MKLN1: variants seen among roughly 807,000 people sequenced by gnomAD.
MKLN1 encodes muskelin.
In MKLN1, 18 loss-of-function variants were observed where a neutral mutation model predicts 99.0. The ratio of observed to expected loss-of-function variants is 0.18; its 90% CI spans 0.13 to 0.27. The LOEUF is 0.27. MKLN1 is among the 10% of genes least tolerant of loss of function. MKLN1 has a pLI of 1.00. For synonymous variants in MKLN1, 288 were observed against 293.2 expected (o/e 0.98, Z 0.18); for missense variants, 621 against 875.9 (o/e 0.71, Z 3.67).
chr7:131,445,765 C>A lies in MKLN1; in HGVS notation c.1396-9C>A. 4 of 1,499,502 alleles carry A rather than the reference C, an allele frequency of 2.7e-6. No individual in the cohort carries two copies. The highest frequency in any genetic ancestry group is 1.5e-5 in the African/African-American group (1 of 67,336). 92.9% of individuals were successfully genotyped at this position (1,499,502 alleles called of 1,614,324 possible). On this transcript the variant is annotated splice_polypyrimidine_tract_variant and intron_variant, in intron 11 of 17. Coordinates refer to ENST00000352689, the MANE Select transcript of MKLN1 (RefSeq NM_013255.5). ...TTACTCCTTTCTTTTTTTTTTTCTT[C>A]TTTTTCAGAAAAATCGTTGCTTATA... is the stretch of plus-strand genomic sequence containing the variant.
intron 1 of MKLN1, among the ~76,000 whole-genome samples, chr7:131,347,511 CA>C (rs1298509247): frequency 6.6e-6 from 1 of 152,086 alleles, no homozygotes; most frequent in Non-Finnish European, 1.5e-5. Context: ...AACCCAAAGA[CA>C]AAAAACCCTT....
At chr7:131,176,144 T>C (rs900471988) in intron 2 of MKLN1, among the ~76,000 whole-genome samples, 1 of 152,206 alleles carries the variant, frequency 6.6e-6, no homozygotes. Flanking sequence ...ATATTTGTAA[T>C]TTGTAACATA....
chr7:131,335,458 C>A (rs2116707304), intron 1 of MKLN1, among the ~76,000 whole-genome samples: 1 of 152,108 alleles, frequency 6.6e-6, no homozygotes, highest in East Asian at 1.9e-4. Context: ...ATAAATCTGT[C>A]CCTAAAAAAG....
chr7:131,118,249 A>C (rs1267619526), intron 1 of MKLN1, among the ~76,000 whole-genome samples: 1 of 152,114 alleles, frequency 6.6e-6, no homozygotes, highest in Non-Finnish European at 1.5e-5. Flanking sequence ...CAATTCTCAC[A>C]CTGCTATAAA....
At chr7:131,418,862 C>T (rs912850770) in intron 8 of MKLN1, among the ~76,000 whole-genome samples, 36 of 152,326 alleles carry the variant, frequency 2.4e-4, no homozygotes, top group African/African-American at 7.7e-4. Flanking sequence ...TATGAGGAAA[C>T]ATGCCCTGGA....
chr7:131,424,343 G>T (rs1795295772), intron 8 of MKLN1, among the ~76,000 whole-genome samples: 1 of 151,682 alleles, frequency 6.6e-6, no homozygotes, highest in Non-Finnish European at 1.5e-5. Context: ...TTGGGCCCAG[G>T]CTATGTCAAT....
chr7:131,240,913 T>C (rs1248200487), intron 3 of MKLN1, among the ~76,000 whole-genome samples: 2 of 152,232 alleles, frequency 1.3e-5, no homozygotes, highest in Non-Finnish European at 2.9e-5. Context: ...GAAAGACTCT[T>C]GTTAAGACAA....
chr7:131,393,337 G>A (rs1794261531), intron 4 of MKLN1, among the ~76,000 whole-genome samples: 1 of 152,188 alleles, frequency 6.6e-6, no homozygotes, highest in Admixed American at 6.5e-5. Context: ...TGCATTATTA[G>A]TATTGTTAAT....
chr7:131,471,737 C>CT (rs1206761983), intron 16 of MKLN1: 2 of 152,324 alleles, frequency 1.3e-5, no homozygotes, highest in East Asian at 3.9e-4. Context: ...CCTTAGGTCT[C>CT]TTTCCGTGTT....
intron 1 of MKLN1, among the ~76,000 whole-genome samples, chr7:131,357,995 A>G (rs1799931193): frequency 6.6e-6 from 1 of 152,168 alleles, no homozygotes; most frequent in Admixed American, 6.5e-5. Context: ...CTGTATAGGC[A>G]GTCCTGTCAT....
rs60323728 is a variant in MKLN1 at position 131,376,095 on chromosome 7, A to AATATATATATATAT, written c.168+629_168+642dup. On this transcript the variant is annotated intron_variant, in intron 2 of 17. Coordinates refer to ENST00000352689, the MANE Select transcript of MKLN1 (RefSeq NM_013255.5). ...TTTTAATTGTAGTATAATTCATGGAAATATATATATATATATATATATATA... is the reference window on the plus strand; with the variant it reads ...TTTTAATTGTAGTATAATTCATGGAAATATATATATATATATATATATATATATATATATATATA... Among the ~76,000 whole-genome samples, 202 of 107,864 alleles carry AATATATATATATAT rather than the reference A, an allele frequency of 1.9e-3. 1 individual carries two copies. The highest frequency in any genetic ancestry group is 2.8e-3 in the Non-Finnish European group (148 of 52,780). 70.8% of individuals were successfully genotyped at this position (107,864 alleles called of 152,430 possible).
intron 2 of MKLN1, among the ~76,000 whole-genome samples, chr7:131,160,669 C>T (rs1402678719): frequency 6.7e-6 from 1 of 149,906 alleles, no homozygotes; most frequent in East Asian, 1.9e-4. Flanking sequence ...TAGGCATGTG[C>T]CACCACACTG....
chr7:131,222,704 A>G (rs1797077372), intron 3 of MKLN1, among the ~76,000 whole-genome samples: 1 of 152,016 alleles, frequency 6.6e-6, no homozygotes, highest in African/African-American at 2.4e-5. Context: ...AGCCATTTCT[A>G]CCCATATAAA....
At chr7:131,301,126 C>T (rs1798371989) in intron 3 of MKLN1, among the ~76,000 whole-genome samples, 1 of 152,186 alleles carries the variant, frequency 6.6e-6, no homozygotes, top group Admixed American at 6.5e-5. Flanking sequence ...CTAGGCCCCA[C>T]CCCTAATATG....
intron 1 of MKLN1, among the ~76,000 whole-genome samples, chr7:131,352,466 C>T (rs1230470511): frequency 1.3e-5 from 2 of 151,820 alleles, no homozygotes; most frequent in African/African-American, 4.8e-5. Flanking sequence ...ATTTATACTG[C>T]TATTTCCAGT....
intron 2 of MKLN1, among the ~76,000 whole-genome samples, chr7:131,380,158 G>A (rs1231816728): frequency 6.6e-6 from 1 of 152,036 alleles, no homozygotes; most frequent in Non-Finnish European, 1.5e-5. Flanking sequence ...ATATCATCCC[G>A]GTACTTGAAA....
intron 2 of MKLN1, among the ~76,000 whole-genome samples, chr7:131,148,931 G>A (rs1263752991): frequency 2.6e-5 from 4 of 152,196 alleles, no homozygotes; most frequent in African/African-American, 9.6e-5. Context: ...TTATATTAAT[G>A]TGGACATGAC....
intron 2 of MKLN1, among the ~76,000 whole-genome samples, chr7:131,159,748 C>T (rs902232510): frequency 6.6e-5 from 10 of 151,972 alleles, no homozygotes; most frequent in Admixed American, 2.6e-4. Context: ...ACAATATGTA[C>T]GACTATTATA....
intron 1 of MKLN1, among the ~76,000 whole-genome samples, chr7:131,360,580 A>G (rs921945407): frequency 2.6e-5 from 4 of 151,570 alleles, no homozygotes; most frequent in African/African-American, 9.7e-5. Context: ...AGTATTTCCT[A>G]CTCTTCTCTT....
Sources: gnomAD v4.1 joint callset for allele counts (sites outside exome capture counted in the v4.1 genomes callset) on GRCh38, gnomAD v4.1.1 for gene constraint, MANE v1.5 for transcripts, NCBI Gene and HGNC (gene_info 2026-07-23, HGNC 2026-07-21) for gene names.